Variants in LHFPL6 observed in about 807,000 individuals in gnomAD.
LHFPL6 encodes LHFPL tetraspan subfamily member 6, also known as LHFPL tetraspan subfamily member 6 protein.
In LHFPL6, 9 loss-of-function variants were observed where a neutral mutation model predicts 20.6. That is an observed-to-expected ratio of 0.44 (90% CI 0.26 to 0.76). The LOEUF is 0.76. Among genes scored for constraint, LHFPL6 ranks in the 30% least tolerant of loss-of-function variants. The pLI is 0.20. For missense variants in LHFPL6, 218 were observed against 253.5 expected, an observed-to-expected ratio of 0.86 and a Z score of 0.95; for synonymous variants, 105 against 98.7, an observed-to-expected ratio of 1.06 and a Z score of -0.38.
At chr13:39,574,168 A>G (rs1209521184) in intron 2 of LHFPL6, among the ~76,000 whole-genome samples, 1 of 152,230 alleles carries the variant, frequency 6.6e-6, no homozygotes, top group Non-Finnish European at 1.5e-5. Context: ...GGCCCACACT[A>G]TCTTAGAAAG....
At chr13:39,478,309 G>A (rs767981161) in intron 2 of LHFPL6, among the ~76,000 whole-genome samples, 2 of 151,962 alleles carry the variant, frequency 1.3e-5, no homozygotes, top group Non-Finnish European at 2.9e-5. Flanking sequence ...GAGTCTCTGT[G>A]GGTTGCCAGG....
intron 2 of LHFPL6, among the ~76,000 whole-genome samples, chr13:39,570,259 G>C (rs1303275318): frequency 6.6e-6 from 1 of 152,062 alleles, no homozygotes; most frequent in Non-Finnish European, 1.5e-5. Flanking sequence ...TCTCATCTCA[G>C]CCTCCTGAAT....
intron 2 of LHFPL6, among the ~76,000 whole-genome samples, chr13:39,396,789 C>T (rs775420052): frequency 1.3e-5 from 2 of 152,096 alleles, no homozygotes; most frequent in South Asian, 2.1e-4. Flanking sequence ...GAATGAGACA[C>T]TGTCTCAAAA....
At chr13:39,495,981 G>T (rs6563710) in intron 2 of LHFPL6, among the ~76,000 whole-genome samples, 76,017 of 151,300 alleles carry the variant, frequency 0.5, 19,786 homozygotes, top group Admixed American at 0.56. Flanking sequence ...TAGAGTCAAG[G>T]GAAATATGGA....
At chr13:39,565,318 A>C (rs1593366036) in intron 2 of LHFPL6, among the ~76,000 whole-genome samples, 1 of 134,790 alleles carries the variant, frequency 7.4e-6, no homozygotes, top group African/African-American at 3.0e-5. Flanking sequence ...TAAACATTAC[A>C]GGCAAAAAGA....
intron 2 of LHFPL6, among the ~76,000 whole-genome samples, chr13:39,566,692 T>C (rs971469886): frequency 3.2e-5 from 4 of 124,720 alleles, no homozygotes; most frequent in Non-Finnish European, 4.7e-5. Context: ...GAGATTGCAC[T>C]ACTGCATTCC....
chr13:39,441,626 C>A (rs1872136621), intron 2 of LHFPL6, among the ~76,000 whole-genome samples: 1 of 151,368 alleles, frequency 6.6e-6, no homozygotes, highest in Non-Finnish European at 1.5e-5. Context: ...GATCCTCCCA[C>A]CTCAGCCTCC....
In LHFPL6 at chr13:39,403,550, G is replaced by A. The variant is rs753935207; in HGVS notation, c.386-25024C>T. Among the ~76,000 whole-genome samples the A allele has an allele frequency of 2.4e-4, 36 of 152,298 alleles. 1 individual carries two copies. In the Middle Eastern group the frequency reaches 0.014, roughly 58 times the overall value. On this transcript the variant is annotated intron_variant, in intron 2 of 3. Transcript: ENST00000379589. ...GTGCTATAAAGGAGGCAAGACTAGG[G>A]TGGCAAAGTAACATTCAATCAGTAA...
chr13:39,402,368 G>T (rs1424045179), intron 2 of LHFPL6, among the ~76,000 whole-genome samples: 1 of 152,078 alleles, frequency 6.6e-6, no homozygotes, highest in Admixed American at 6.5e-5. Flanking sequence ...GGGACTATAG[G>T]CACGCACCAC....
chr13:39,435,829 T>C (rs1229708744), intron 2 of LHFPL6, among the ~76,000 whole-genome samples: 1 of 152,140 alleles, frequency 6.6e-6, no homozygotes, highest in East Asian at 1.9e-4. Flanking sequence ...TTTCTTCATA[T>C]TTTCAATCAA....
At chr13:39,348,799 C>T (rs1161943568) in intron 3 of LHFPL6, among the ~76,000 whole-genome samples, 2 of 152,190 alleles carry the variant, frequency 1.3e-5, no homozygotes, top group Non-Finnish European at 2.9e-5. Flanking sequence ...AGCTCTCTCC[C>T]ACTCTCCCCA....
intron 2 of LHFPL6, among the ~76,000 whole-genome samples, chr13:39,424,954 C>A (rs144335782): frequency 6.6e-6 from 1 of 152,166 alleles, no homozygotes; most frequent in Non-Finnish European, 1.5e-5. Context: ...TTGAAAGGTA[C>A]AATCTGATAA....
chr13:39,387,034 ACT>A (rs1245924396), intron 2 of LHFPL6, among the ~76,000 whole-genome samples: 1 of 151,902 alleles, frequency 6.6e-6, no homozygotes, highest in Non-Finnish European at 1.5e-5. Context: ...ATTTTGATGC[ACT>A]CTCTACCCTT....
chr13:39,600,761 A>G (rs1872911181), intron 2 of LHFPL6, 71 bp downstream of exon 2: 38 of 1,358,630 alleles, frequency 2.8e-5, no homozygotes, highest in Non-Finnish European at 3.6e-5. Flanking sequence ...ATCTCAGTAG[A>G]CAACTGAAAC....
chr13:39,397,222 T>C (rs1870866332), intron 2 of LHFPL6, among the ~76,000 whole-genome samples: 2 of 152,142 alleles, frequency 1.3e-5, no homozygotes, highest in South Asian at 4.1e-4. Context: ...TCCTCAAATG[T>C]CTTAAGAAAA....
chr13:39,370,361 T>A (rs985379643), intron 3 of LHFPL6, among the ~76,000 whole-genome samples: 1 of 152,226 alleles, frequency 6.6e-6, no homozygotes, highest in African/African-American at 2.4e-5. Flanking sequence ...TCCAGGCTCA[T>A]GCTGGACCTT....
chr13:39,521,993 G>A (rs2138486319), intron 2 of LHFPL6, among the ~76,000 whole-genome samples: 1 of 152,208 alleles, frequency 6.6e-6, no homozygotes, highest in South Asian at 2.1e-4. Context: ...CTTCCCGATT[G>A]CTTTCACTAC....
intron 2 of LHFPL6, among the ~76,000 whole-genome samples, chr13:39,521,133 A>G (rs961016026): frequency 6.6e-6 from 1 of 152,198 alleles, no homozygotes; most frequent in Admixed American, 6.5e-5. Flanking sequence ...GGTCTGAGGT[A>G]GCATAAGGTA....
chr13:39,383,767 C>T lies in LHFPL6; in HGVS notation c.386-5241G>A, dbSNP rs147335073. Among the ~76,000 whole-genome samples the T allele has an allele frequency of 3.3e-5, 5 of 152,282 alleles. No individual in the cohort carries two copies. In the East Asian group the frequency reaches 9.6e-4, roughly 29 times the overall value. On this transcript the variant is annotated intron_variant, in intron 2 of 3. Coordinates refer to ENST00000379589, the MANE Select transcript of LHFPL6 (RefSeq NM_005780.3). The stretch of plus-strand genomic sequence containing the variant: ...ATACTCTGTCAATAAGAAGCTCTCA[C>T]GTGGAATATAAAAAATAAAAAGGAT...
Sources: gnomAD v4.1 joint callset for allele counts (sites outside exome capture counted in the v4.1 genomes callset) on GRCh38, gnomAD v4.1.1 for gene constraint, MANE v1.5 for transcripts, NCBI Gene and HGNC (gene_info 2026-07-23, HGNC 2026-07-21) for gene names.